EEA1: variants seen among roughly 807,000 people sequenced by gnomAD.
EEA1 encodes the protein early endosome antigen 1, 162kD.
A neutral mutation model predicts 209.2 loss-of-function variants in EEA1; 111 were observed. The ratio of observed to expected loss-of-function variants is 0.53; its 90% confidence interval spans 0.45 to 0.62. EEA1 has a LOEUF of 0.62. Ranked by LOEUF, EEA1 falls within the 20% of genes least tolerant of loss-of-function variation. EEA1 has a pLI of 0.00. For missense variants in EEA1, 1,343 were observed against 1,530.8 expected (o/e 0.88, Z 2.05); for synonymous variants, 536 against 540.6 (o/e 0.99, Z 0.12).
chr12:92,782,074 C>G lies in EEA1; in HGVS notation c.3212G>C (p.Gly1071Ala). 6.2e-7 allele frequency: 1 copy of G among 1,612,600 alleles called. No individual in the cohort carries two copies. Among genetic ancestry groups the G allele is most frequent in the Non-Finnish European group, 8.5e-7 (1 of 1,179,060 alleles). The change falls in exon 23 of 29, where the codon GGA (glycine) becomes GCA (alanine). Residue 1071 changes from glycine to alanine, a missense_variant. By Grantham distance (60) the Gly-to-Ala change is moderately conservative. Around this residue, in one of 3 missense-constraint regions of EEA1, gnomAD observed 1,307 missense variants for 1,465.5 expected, o/e 0.89. Transcript: ENST00000322349. ...EDLISNRNQI[G>A]NQNKLIQELK... Reference sequence around the variant, plus strand: ...TTCTTGAATCAATTTATTTTGATTTCCAATTTGATTTCTGTTTGAAATCAA... The same window carrying G: ...TTCTTGAATCAATTTATTTTGATTTGCAATTTGATTTCTGTTTGAAATCAA...
chr12:92,792,795 T>C (rs929331064), intron 21 of EEA1, among the ~76,000 whole-genome samples: 6 of 152,082 alleles, frequency 3.9e-5, no homozygotes, highest in Non-Finnish European at 8.8e-5. Flanking sequence ...GCCAACATCA[T>C]CCTGATACCA....
At chr12:92,832,243 C>T (rs1387448975) in intron 11 of EEA1, among the ~76,000 whole-genome samples, 6 of 152,012 alleles carry the variant, frequency 3.9e-5, no homozygotes, top group South Asian at 2.1e-4. Flanking sequence ...AGTACCTACA[C>T]GCCCCAGGTA....
rs180921772 is a variant in EEA1, at chr12:92,803,959, C to T, written c.2340-1225G>A. Among the ~76,000 whole-genome samples, 3 of 152,022 alleles carry T rather than the reference C, an allele frequency of 2.0e-5. No homozygotes were observed. In the East Asian group the frequency reaches 5.8e-4, roughly 29 times the overall value. ...AAAGAAAGCAAAACAGAAATAGAGG[C>T]TTACATAGTCACTGTGACACTTCTT... On this transcript the variant is annotated intron_variant, in intron 18 of 28. Coordinates refer to ENST00000322349, the MANE Select transcript of EEA1 (RefSeq NM_003566.4).
chr12:92,820,763 A>G (rs904698062), intron 13 of EEA1, among the ~76,000 whole-genome samples: 1 of 151,816 alleles, frequency 6.6e-6, no homozygotes, highest in Non-Finnish European at 1.5e-5. Context: ...AAGTATATAT[A>G]TATATATATA....
intron 15 of EEA1, among the ~76,000 whole-genome samples, chr12:92,814,024 A>G (rs1023524964): frequency 1.3e-5 from 2 of 152,170 alleles, no homozygotes; most frequent in Non-Finnish European, 2.9e-5. Context: ...AAAAAAAGAA[A>G]GAAAGAAAGA....
Position 92,782,112 on chromosome 12 carries a change from T to C in EEA1, c.3174A>G (p.Leu1058=). 1.2e-6 allele frequency: 2 copies of C among 1,610,988 alleles called. No homozygotes were observed. Among genetic ancestry groups the C allele is most frequent in the Non-Finnish European group, 1.7e-6 (2 of 1,178,440 alleles). The change falls in exon 23 of 29, where the codon CTA becomes CTG. Residue 1058 remains leucine (L), a synonymous_variant. Transcript: ENST00000322349. The part of the protein sequence containing the change: ...DLKSVEEKLS[L]AQEDLISNRN... ...TGTTTGAAATCAAGTCCTCCTGTGC[T>C]AGAGAAAGCTTCTCTTCTACAGACT...
intron 10 of EEA1, among the ~76,000 whole-genome samples, chr12:92,835,822 G>A (rs927972558): frequency 9.2e-5 from 14 of 152,210 alleles, no homozygotes; most frequent in African/African-American, 2.9e-4. Context: ...TTACAAACAT[G>A]AAAGAGAATT....
chr12:92,906,880 A>T (rs2136772312), intron 1 of EEA1, among the ~76,000 whole-genome samples: 1 of 152,294 alleles, frequency 6.6e-6, no homozygotes, highest in East Asian at 1.9e-4. Flanking sequence ...TTTCATCTGC[A>T]TCCCACCATA....
At chr12:92,913,814 C>T (rs1187608380) in intron 1 of EEA1, among the ~76,000 whole-genome samples, 1 of 152,156 alleles carries the variant, frequency 6.6e-6, no homozygotes, top group African/African-American at 2.4e-5. Flanking sequence ...GCATGTGCCA[C>T]CACATCTGAC....
chr12:92,881,762 A>C (rs939297149), intron 2 of EEA1, among the ~76,000 whole-genome samples: 1 of 152,224 alleles, frequency 6.6e-6, no homozygotes, highest in African/African-American at 2.4e-5. Flanking sequence ...ATGGTGTACT[A>C]AACAGTCTGA....
In EEA1 at chr12:92,832,823, C is replaced by CT; in HGVS notation, c.942dup (p.Glu315ArgfsTer6). ...TCCTCTAACTTAGTATAGTCTTGTT[C>CT]TTTTTTCAGCAAGTTTTCTGTCAAG... On this transcript the variant is annotated frameshift_variant, in exon 11 of 29. Transcript: ENST00000322349. LOFTEE classifies it high-confidence loss of function. The CT allele has an allele frequency of 6.2e-7, 1 of 1,604,090 alleles. No individual in the cohort carries two copies. The highest frequency in any genetic ancestry group is 8.5e-7 in the Non-Finnish European group (1 of 1,176,950).
At chr12:92,794,549 C>T (rs1023221659) in intron 21 of EEA1, among the ~76,000 whole-genome samples, 5 of 152,008 alleles carry the variant, frequency 3.3e-5, no homozygotes, top group African/African-American at 1.2e-4. Flanking sequence ...TACTATGCAG[C>T]CTTAAAAAAG....
At chr12:92,809,342 C>T (rs905920220) in intron 17 of EEA1, among the ~76,000 whole-genome samples, 186 bp from the exon 18 acceptor site, 1 of 151,358 alleles carries the variant, frequency 6.6e-6, no homozygotes, top group Non-Finnish European at 1.5e-5. Flanking sequence ...TTCAGAAGAC[C>T]CAGCAGAAAG....
intron 1 of EEA1, among the ~76,000 whole-genome samples, chr12:92,906,016 C>G (rs1880371327): frequency 6.6e-6 from 1 of 152,060 alleles, no homozygotes; most frequent in Non-Finnish European, 1.5e-5. Flanking sequence ...AAGCCATCCT[C>G]CCGCCTCAGC....
At chr12:92,906,640 G>A (rs997372879) in intron 1 of EEA1, among the ~76,000 whole-genome samples, 25 of 151,976 alleles carry the variant, frequency 1.6e-4, no homozygotes, top group African/African-American at 4.6e-4. Context: ...GTGAAACCCC[G>A]TCTCTACTAA....
intron 1 of EEA1, among the ~76,000 whole-genome samples, chr12:92,923,487 G>A (rs1006906702): frequency 6.6e-6 from 1 of 152,090 alleles, no homozygotes; most frequent in Non-Finnish European, 1.5e-5. Flanking sequence ...ACTATATCAT[G>A]CTCTTGGATT....
chr12:92,796,348 A>C (rs1302519883), intron 21 of EEA1, among the ~76,000 whole-genome samples: 4 of 152,090 alleles, frequency 2.6e-5, no homozygotes, highest in Non-Finnish European at 5.9e-5. Flanking sequence ...TCATCTTTAG[A>C]TTACTTACAA....
intron 11 of EEA1, among the ~76,000 whole-genome samples, chr12:92,830,231 C>A (rs976024599): frequency 2.6e-5 from 4 of 152,004 alleles, no homozygotes; most frequent in Non-Finnish European, 4.4e-5. Context: ...AGGTAAATTA[C>A]GTGTCACAGG....
intron 1 of EEA1, among the ~76,000 whole-genome samples, chr12:92,896,263 C>T (rs936753716): frequency 2.0e-5 from 3 of 152,096 alleles, no homozygotes; most frequent in Non-Finnish European, 4.4e-5. Flanking sequence ...TGAGCCATCG[C>T]GCCTGGCATG....
Sources: allele counts gnomAD v4.1 joint callset (sites outside exome capture counted in the v4.1 genomes callset), GRCh38; gene constraint gnomAD v4.1.1; regional missense constraint gnomAD v4.1.1; transcripts MANE v1.5; gene names NCBI Gene and HGNC (gene_info 2026-07-23, HGNC 2026-07-21).